The following DMD variants were observed in gnomAD, a reference collection of about 807,000 sequenced individuals.
DMD encodes mutant dystrophin.
In DMD, 63 loss-of-function variants were observed where a neutral mutation model predicts 330.1. The observed-to-expected ratio is 0.19, with a 90% CI of 0.16 to 0.24. The LOEUF (loss-of-function observed/expected upper bound fraction) is 0.24. DMD is among the 10% of genes least tolerant of loss of function. DMD has a pLI of 1.00. For synonymous variants in DMD, 1,223 were observed against 959.8 expected, an observed-to-expected ratio of 1.27 and a Z score of -5.07; for missense variants, 3,344 against 2,684.1, an observed-to-expected ratio of 1.25 and a Z score of -5.43.
chrX:32,627,272 T>C lies in DMD; in HGVS notation c.1332-12819A>G, dbSNP rs753169109. Among the ~76,000 whole-genome samples the C allele has an allele frequency of 2.5e-3, 251 of 100,397 alleles. 4 individuals carry two copies. The highest frequency in any genetic ancestry group is 3.8e-3 in the Non-Finnish European group (197 of 52,190). 87.2% of individuals were successfully genotyped at this position (100,397 alleles called of 115,157 possible). A position where few individuals can be genotyped will look rare whatever the true frequency, so the allele number is the denominator to read the frequency against. On this transcript the variant is annotated intron_variant, in intron 11 of 78. Coordinates refer to ENST00000357033, the MANE Select transcript of DMD (RefSeq NM_004006.3). ...CTTGTTAGGGTTAACATGAACCAGA[T>C]GCACAGAGGTAACATGGAGACAAAG...
At chrX:31,466,441 T>C (rs1432809229) in intron 59 of DMD, among the ~76,000 whole-genome samples, 1 of 112,192 alleles carries the variant, frequency 8.9e-6, no homozygotes, top group Non-Finnish European at 1.9e-5. Context: ...CTCCATTGCT[T>C]GTTTTTGTCA....
intron 2 of DMD, among the ~76,000 whole-genome samples, chrX:32,864,337 G>C (rs764684505): frequency 8.9e-6 from 1 of 112,050 alleles, no homozygotes; most frequent in Non-Finnish European, 1.9e-5. Flanking sequence ...CTTAGGCAGT[G>C]TATCTACAGA....
chrX:32,176,059 AG>A (rs2096905453), intron 44 of DMD, among the ~76,000 whole-genome samples: 1 of 111,732 alleles, frequency 8.9e-6, no homozygotes, highest in South Asian at 3.7e-4. Flanking sequence ...TTCATTTTTA[AG>A]GTCTTTGCAT....
chrX:32,080,388 A>G (rs997436889), intron 44 of DMD, among the ~76,000 whole-genome samples: 7 of 112,261 alleles, frequency 6.2e-5, no homozygotes, highest in Non-Finnish European at 1.3e-4. Context: ...ATGGCTTATA[A>G]TATCTTAGCT....
chrX:31,247,473 G>A (rs958653018), intron 63 of DMD, among the ~76,000 whole-genome samples: 5 of 109,594 alleles, frequency 4.6e-5, no homozygotes, highest in Non-Finnish European at 5.7e-5. Context: ...AGTGGCACAC[G>A]CCTGTAGTCC....
intron 43 of DMD, among the ~76,000 whole-genome samples, chrX:32,268,673 C>G (rs966500720): frequency 2.7e-5 from 3 of 111,749 alleles, no homozygotes; most frequent in Non-Finnish European, 5.6e-5. Flanking sequence ...ACTCATAATG[C>G]AAGAATTTAT....
chrX:31,774,190 G>C lies in DMD; in HGVS notation c.7312C>G (p.Pro2438Ala). 8.3e-7 allele frequency: 1 copy of C among 1,198,261 alleles called. No individual in the cohort carries two copies. Among genetic ancestry groups the C allele is most frequent in the Non-Finnish European group, 1.1e-6 (1 of 886,082 alleles). ...GTCACCAGAGTAACAGTCTGAGTAG[G>C]AGCTAAAATATTTTGGGTTTTTGCA... ...APGLTTIGAS[P>A]TQTVTLVTQP... Residue 2438 changes from proline (P) to alanine (A), a missense_variant and splice_region_variant, in exon 51 of 79, where the codon CCT becomes GCT. Pro to Ala is a conservative substitution (Grantham distance 27). Coordinates refer to ENST00000357033, the MANE Select transcript of DMD (RefSeq NM_004006.3).
At chrX:32,116,902 C>T (rs867489728) in intron 44 of DMD, among the ~76,000 whole-genome samples, 2 of 112,051 alleles carry the variant, frequency 1.8e-5, no homozygotes, top group African/African-American at 6.5e-5. Context: ...ATTCTAACTT[C>T]ATTGAGCTAT....
chrX:32,181,537 T>G (rs1267501264), intron 44 of DMD, among the ~76,000 whole-genome samples: 1 of 111,923 alleles, frequency 8.9e-6, no homozygotes, highest in East Asian at 2.8e-4. Flanking sequence ...TACCTGAATA[T>G]AGTTTTTTTA....
In DMD at chrX:32,061,156, A is replaced by G. The variant is rs755987169; in HGVS notation, c.6439-92642T>C. 1.5e-4 allele frequency among the ~76,000 whole-genome samples: 17 copies of G among 111,400 alleles called. No individual in the cohort carries two copies. In the South Asian group the frequency reaches 2.6e-3, roughly 17 times the overall value. ...AGGGCAGAGTAAAGAAAGATATACA[A>G]TTCTTCAGATCTAAGCAGTTGTTTA... On this transcript the variant is annotated intron_variant, in intron 44 of 78. Transcript: ENST00000357033.
rs747346648 is a variant in DMD, at chrX:32,550,781, T to TA, written c.1993-5448dup. Among the ~76,000 whole-genome samples, 174 of 109,203 alleles carry TA rather than the reference T, an allele frequency of 1.6e-3. 1 individual carries two copies. Among genetic ancestry groups the TA allele is most frequent in the Non-Finnish European group, 1.7e-3 (90 of 52,357 alleles). The allele number at this position is 109,203 out of a possible 115,157, so 94.8% of individuals were successfully genotyped here. ...AGAGAGAAGACTCAAATAAACACAA[T>TA]AAAAAATGACAAAGGGGATGTTACC... On this transcript the variant is annotated intron_variant, in intron 16 of 78. Transcript: ENST00000357033.
intron 49 of DMD, among the ~76,000 whole-genome samples, chrX:31,823,564 C>T (rs186291768): frequency 8.3e-4 from 92 of 110,864 alleles, no homozygotes; most frequent in South Asian, 1.2e-3. Flanking sequence ...GTTTTCCAGG[C>T]GTGCAATCAT....
At chrX:31,487,273 T>C (rs961556462) in intron 57 of DMD, among the ~76,000 whole-genome samples, 22 of 110,003 alleles carry the variant, frequency 2.0e-4, no homozygotes, top group African/African-American at 6.6e-4. Flanking sequence ...TTTTTTTTTT[T>C]TTTGAGACGG....
chrX:32,335,141 A>G (rs1206566742), intron 41 of DMD, among the ~76,000 whole-genome samples: 3 of 110,922 alleles, frequency 2.7e-5, no homozygotes, highest in Non-Finnish European at 5.7e-5. Flanking sequence ...ACAACTTAAA[A>G]AAGTTAGTGG....
chrX:32,028,490 G>T (rs2095862148), intron 44 of DMD, among the ~76,000 whole-genome samples: 1 of 111,177 alleles, frequency 9.0e-6, no homozygotes, highest in Non-Finnish European at 1.9e-5. Context: ...CAGAAAATGG[G>T]CTCAAAAAGG....
At chrX:31,988,308 TAA>T (rs1211218105) in intron 44 of DMD, among the ~76,000 whole-genome samples, 1 of 107,042 alleles carries the variant, frequency 9.3e-6, no homozygotes, top group Non-Finnish European at 1.9e-5. Context: ...CCGTCTCTAC[TAA>T]AAAAATACAA....
rs150944816 is a variant in DMD, at chrX:32,290,953, G to C, written c.6118-3252C>G. Among the ~76,000 whole-genome samples, 763 of 111,867 alleles carry C rather than the reference G, an allele frequency of 6.8e-3. 8 individuals are homozygous for C. The highest frequency in any genetic ancestry group is 0.024 in the African/African-American group (746 of 30,786). The stretch of plus-strand genomic sequence containing the variant: ...GTCATAGGCTCAGGAAAGAATTCAC[G>C]AAGAAGGTGCAAATTGCAGTAGACA... On this transcript the variant is annotated intron_variant, in intron 42 of 78. Transcript: ENST00000357033.
intron 54 of DMD, among the ~76,000 whole-genome samples, chrX:31,630,847 C>G (rs983276230): frequency 1.1e-4 from 12 of 111,622 alleles, no homozygotes; most frequent in African/African-American, 3.9e-4. Flanking sequence ...GCTTTGCAAA[C>G]AGAATCTACT....
chrX:32,330,962 A>T (rs1603630907), intron 41 of DMD, among the ~76,000 whole-genome samples: 1 of 111,749 alleles, frequency 8.9e-6, no homozygotes, highest in East Asian at 2.8e-4. Flanking sequence ...CCATCATCAA[A>T]GAAAATCATC....
Sources: gnomAD v4.1 joint callset for allele counts (sites outside exome capture counted in the v4.1 genomes callset) on GRCh38, gnomAD v4.1.1 for gene constraint, MANE v1.5 for transcripts, NCBI Gene and HGNC (gene_info 2026-07-23, HGNC 2026-07-21) for gene names.